PLEK: variants seen among roughly 807,000 people sequenced by gnomAD.
PLEK encodes the protein pleckstrin.
In PLEK, 25 loss-of-function variants were observed where a neutral mutation model predicts 43.9. The observed-to-expected ratio is 0.57, with a 90% CI of 0.41 to 0.79. The LOEUF is 0.79. Ranked by LOEUF, PLEK falls within the 30% of genes least tolerant of loss-of-function variation. PLEK has a pLI of 0.00. For synonymous variants in PLEK, 152 were observed against 144.4 expected (o/e 1.05, Z -0.38); for missense variants, 396 against 413.3 (o/e 0.96, Z 0.36).
chr2:68,393,179 C>T lies in PLEK; in HGVS notation c.780C>T (p.Asn260=), dbSNP rs989983104. ...CLLKQGHRRK[N]WKVRKFILRE... ...GGATACAGGGGCATAGAAGGAAAAA[C>T]TGGAAAGTGAGGAAGTTCATCTTGA... The change falls in exon 7 of 9, where the codon AAC becomes AAT. Residue 260 remains asparagine (N), a synonymous_variant. Transcript: ENST00000234313. The T allele has an allele frequency of 6.2e-7, 1 of 1,611,668 alleles. No homozygotes were observed. Among genetic ancestry groups the T allele is most frequent in the Non-Finnish European group, 8.5e-7 (1 of 1,177,860 alleles).
In PLEK at chr2:68,379,225, A is replaced by G. The variant is rs559911817; in HGVS notation, c.43-1103A>G. 5.3e-5 allele frequency among the ~76,000 whole-genome samples: 8 copies of G among 152,326 alleles called. No individual in the cohort carries two copies. The East Asian group carries it at 1.5e-3, about 29-fold the overall frequency. ...CTAAGATTCAGCCAACCATCTCAGC[A>G]GTGTTACCAGAGCTTGTAAGTGAAG... On this transcript the variant is annotated intron_variant, in intron 1 of 8. Coordinates refer to ENST00000234313, the MANE Select transcript of PLEK (RefSeq NM_002664.3).
intron 7 of PLEK, 117 bp downstream of exon 7, chr2:68,393,362 A>T: frequency 1.4e-6 from 1 of 710,360 alleles, no homozygotes; most frequent in Non-Finnish European, 2.5e-6. Context: ...TTACTGGCCC[A>T]CTTTTTTTTC....
chr2:68,390,043 C>CCAAG (rs71395966), intron 6 of PLEK, among the ~76,000 whole-genome samples: 1 of 151,732 alleles, frequency 6.6e-6, no homozygotes, highest in African/African-American at 2.4e-5. Flanking sequence ...TGAAGGCTAA[C>CCAAG]AGTAGATAAA....
At position 68,396,545 on chromosome 2, in the gene PLEK, T is replaced by C. The variant is rs1201399408; in HGVS notation, c.*729T>C. ...TGGGGAGGCCAGGAGTAGCTGAGGGTCCTTTCTGTGCCCTTAAACCGCCCA... is the reference window on the plus strand; with the variant it reads ...TGGGGAGGCCAGGAGTAGCTGAGGGCCCTTTCTGTGCCCTTAAACCGCCCA... On this transcript the variant is annotated 3_prime_UTR_variant, in exon 9 of 9. Coordinates refer to ENST00000234313, the MANE Select transcript of PLEK (RefSeq NM_002664.3). 6.6e-6 allele frequency: 1 copy of C among 151,950 alleles called. No homozygotes were observed. The highest frequency in any genetic ancestry group is 1.5e-5 in the Non-Finnish European group (1 of 68,040). The allele number at this position is 151,950 out of a possible 1,614,324, so 9.4% of individuals were successfully genotyped here.
At chr2:68,388,789 G>A (rs956566431) in intron 6 of PLEK, among the ~76,000 whole-genome samples, 10 of 152,030 alleles carry the variant, frequency 6.6e-5, no homozygotes, top group African/African-American at 2.4e-4. Flanking sequence ...TTGTCTAAGA[G>A]ATGCCATCCA....
chr2:68,395,642 T>C, intron 8 of PLEK, 38 bp from the exon 9 acceptor site: 2 of 1,613,284 alleles, frequency 1.2e-6, no homozygotes, highest in African/African-American at 1.3e-5. Context: ...GTCTTTCTGA[T>C]GCCTGTGCGT....
chr2:68,385,949 C>T (rs540900904), intron 4 of PLEK, among the ~76,000 whole-genome samples: 8 of 152,232 alleles, frequency 5.3e-5, no homozygotes, highest in East Asian at 1.9e-4. Flanking sequence ...TACCTAGCAT[C>T]GAGTAGGTGC....
chr2:68,374,103 A>G (rs2103762530), intron 1 of PLEK, among the ~76,000 whole-genome samples: 1 of 152,318 alleles, frequency 6.6e-6, no homozygotes, highest in East Asian at 1.9e-4. Context: ...TTCTGTATAA[A>G]TAAACACACA....
At chr2:68,382,767 A>T (rs1673652470) in intron 4 of PLEK, 134 bp downstream of exon 4, 1 of 604,428 alleles carries the variant, frequency 1.7e-6, no homozygotes, top group Non-Finnish European at 3.0e-6. Flanking sequence ...GGTGAGCCTG[A>T]GGATGAAGCT....
At position 68,386,809 on chromosome 2, in the gene PLEK, G is replaced by A. The variant is rs892940739; in HGVS notation, c.657+123G>A. 4 of 696,092 alleles carry A rather than the reference G, an allele frequency of 5.7e-6. No individual in the cohort carries two copies. In the African/African-American group the frequency reaches 7.1e-5, roughly 12 times the overall value. 43.1% of individuals were successfully genotyped at this position (696,092 alleles called of 1,614,324 possible). On this transcript the variant is annotated intron_variant, in intron 5 of 8. Coordinates refer to ENST00000234313, the MANE Select transcript of PLEK (RefSeq NM_002664.3). ...GGCAGCGGGTAGGGAGGTCAGCCAGGAAGAACAAGGGAATACCTGAAGCTC... is the reference window on the plus strand; with the variant it reads ...GGCAGCGGGTAGGGAGGTCAGCCAGAAAGAACAAGGGAATACCTGAAGCTC...
At position 68,397,389 on chromosome 2, in the gene PLEK, AAAGT is replaced by A. The variant is rs1380305359; in HGVS notation, c.*1575_*1578del. On this transcript the variant is annotated 3_prime_UTR_variant, in exon 9 of 9. Coordinates refer to ENST00000234313, the MANE Select transcript of PLEK (RefSeq NM_002664.3). ...CACAAGTTTTTCTACACTCAGTGTT[AAAGT>A]ATTTATTAATGGGAAGTCAACTTAA... 2.0e-5 allele frequency: 3 copies of A among 152,228 alleles called. No individual in the cohort carries two copies. The highest frequency in any genetic ancestry group is 4.4e-5 in the Non-Finnish European group (3 of 68,044). 9.4% of individuals were successfully genotyped at this position (152,228 alleles called of 1,614,324 possible). A position where few individuals can be genotyped will look rare whatever the true frequency, so the allele number is the denominator to read the frequency against.
At chr2:68,385,158 A>G (rs1041834481) in intron 4 of PLEK, among the ~76,000 whole-genome samples, 1 of 152,222 alleles carries the variant, frequency 6.6e-6, no homozygotes, top group Non-Finnish European at 1.5e-5. Context: ...GTACGTATTT[A>G]TGGGGCACAA....
rs371260590 is a variant in PLEK, at chr2:68,374,569, G to T, written c.43-5759G>T. Among the ~76,000 whole-genome samples, 3 of 152,248 alleles carry T rather than the reference G, an allele frequency of 2.0e-5. No individual in the cohort carries two copies. The East Asian group carries it at 5.8e-4, about 29-fold the overall frequency. ...TAACTTACAATAAGGTACATGAAGGGTGTCATAATTTTTTACATACCTATA... is the reference window on the plus strand; with the variant it reads ...TAACTTACAATAAGGTACATGAAGGTTGTCATAATTTTTTACATACCTATA... On this transcript the variant is annotated intron_variant, in intron 1 of 8. Coordinates refer to ENST00000234313, the MANE Select transcript of PLEK (RefSeq NM_002664.3).
At chr2:68,386,776 C>G in intron 5 of PLEK, 90 bp downstream of exon 5, 1 of 989,448 alleles carries the variant, frequency 1.0e-6, no homozygotes, top group South Asian at 1.6e-5. Context: ...ATCTATAGAG[C>G]GCTGTTAGGC....
rs374060085 is a variant in PLEK, at chr2:68,381,057, G to A, written c.380+153G>A. ...TTGGTGTACTAAAATGTTTACCTGG[G>A]TCTGAAGGAGTGATCCAAGGCCTAC... On this transcript the variant is annotated intron_variant, in intron 3 of 8. Coordinates refer to ENST00000234313, the MANE Select transcript of PLEK (RefSeq NM_002664.3). Among the ~76,000 whole-genome samples, 68 of 152,246 alleles carry A rather than the reference G, an allele frequency of 4.5e-4. No homozygotes were observed. The Middle Eastern group carries it at 0.01, about 23-fold the overall frequency.
In PLEK at chr2:68,394,157, A is replaced by C. The variant is rs1042868272; in HGVS notation, c.897A>C (p.Ser299=). ...AIHLRGCVVT[S]VESNSNGRKS... is the part of the protein sequence containing the mutation. ...ACTTGAGAGGCTGTGTGGTGACTTCAGTGGAGAGCAACTCAAATGGTAAGA... is the reference window on the plus strand; with the variant it reads ...ACTTGAGAGGCTGTGTGGTGACTTCCGTGGAGAGCAACTCAAATGGTAAGA... Residue 299 remains serine (S), a synonymous_variant, in exon 8 of 9, where the codon TCA becomes TCC. Coordinates refer to ENST00000234313, the MANE Select transcript of PLEK (RefSeq NM_002664.3). 1.9e-6 allele frequency: 3 copies of C among 1,606,372 alleles called. No homozygotes were observed. The highest frequency in any genetic ancestry group is 1.7e-4 in the Middle Eastern group (1 of 6,038).
intron 1 of PLEK, among the ~76,000 whole-genome samples, chr2:68,367,159 C>T (rs946062911): frequency 6.6e-6 from 1 of 152,034 alleles, no homozygotes; most frequent in Non-Finnish European, 1.5e-5. Context: ...TTTATATCTT[C>T]CATAATTTTC....
At chr2:68,368,834 C>A (rs1435813076) in intron 1 of PLEK, among the ~76,000 whole-genome samples, 2 of 152,214 alleles carry the variant, frequency 1.3e-5, no homozygotes, top group Non-Finnish European at 2.9e-5. Context: ...ACCTCACAAG[C>A]ACTTGGCGCA....
intron 5 of PLEK, among the ~76,000 whole-genome samples, chr2:68,387,698 A>G (rs1673774841): frequency 2.0e-5 from 3 of 152,014 alleles, no homozygotes; most frequent in Admixed American, 2.0e-4. Context: ...AAGTTACCTA[A>G]GAGAACCATT....
Sources: gnomAD v4.1 joint callset for allele counts (sites outside exome capture counted in the v4.1 genomes callset) on GRCh38, gnomAD v4.1.1 for gene constraint, MANE v1.5 for transcripts, NCBI Gene and HGNC (gene_info 2026-07-23, HGNC 2026-07-21) for gene names.